The following FAF1 variants were observed in gnomAD, a reference collection of about 807,000 sequenced individuals.
The protein encoded by FAF1 is Fas associated factor 1.
A neutral mutation model predicts 92.5 loss-of-function variants in FAF1; 25 were observed. That is an observed-to-expected ratio of 0.27 (90% CI 0.20 to 0.38). FAF1 has a LOEUF of 0.38. Among genes scored for constraint, FAF1 ranks in the 10% least tolerant of loss-of-function variants. The pLI is 1.00. For synonymous variants in FAF1, 234 were observed against 273.2 expected, an observed-to-expected ratio of 0.86 and a Z score of 1.42; for missense variants, 636 against 793.3, an observed-to-expected ratio of 0.80 and a Z score of 2.38.
intron 1 of FAF1, among the ~76,000 whole-genome samples, chr1:50,865,948 T>C (rs1322047875): frequency 6.8e-6 from 1 of 147,966 alleles, no homozygotes; most frequent in Non-Finnish European, 1.5e-5. Context: ...AAAGGGGAGA[T>C]ACTACAACTG....
chr1:50,788,743 ACAAGCCCACATAAG>A (rs1303218868), intron 3 of FAF1, among the ~76,000 whole-genome samples: 1 of 152,162 alleles, frequency 6.6e-6, no homozygotes, highest in Non-Finnish European at 1.5e-5. Context: ...AAATCCACAA[ACAAGCCCACATAAG>A]CACTCTCTCT....
At chr1:50,889,277 A>ATT (rs1451886359) in intron 1 of FAF1, among the ~76,000 whole-genome samples, 46,265 of 151,842 alleles carry the variant, frequency 0.3, 7,288 homozygotes, top group Middle Eastern at 0.48. Flanking sequence ...TAGTCTTGCT[A>ATT]GCAGTCTATC....
chr1:50,620,206 C>T (rs12075910), intron 8 of FAF1, among the ~76,000 whole-genome samples: 4,751 of 152,260 alleles, frequency 0.031, 245 homozygotes, highest in African/African-American at 0.11. Context: ...CGTGTCCAGC[C>T]TAGATTTGGT....
intron 18 of FAF1, among the ~76,000 whole-genome samples, chr1:50,465,666 G>A (rs1043244286): frequency 2.0e-5 from 3 of 152,152 alleles, no homozygotes; most frequent in African/African-American, 7.2e-5. Flanking sequence ...AGAGGAATAG[G>A]GGTTGTCAGT....
intron 7 of FAF1, among the ~76,000 whole-genome samples, chr1:50,667,103 AG>A (rs1337592455): frequency 1.3e-5 from 2 of 152,242 alleles, no homozygotes; most frequent in Non-Finnish European, 2.9e-5. Flanking sequence ...CTTCACAGAA[AG>A]GGGGCAGAGT....
At chr1:50,551,233 C>T (rs1345762352) in intron 13 of FAF1, among the ~76,000 whole-genome samples, 1 of 152,002 alleles carries the variant, frequency 6.6e-6, no homozygotes, top group Non-Finnish European at 1.5e-5. Flanking sequence ...AAAACCCAGA[C>T]ATATATACAG....
chr1:50,575,266 T>C (rs1650672365), intron 12 of FAF1, among the ~76,000 whole-genome samples: 1 of 152,204 alleles, frequency 6.6e-6, no homozygotes, highest in African/African-American at 2.4e-5. Context: ...ATAATTTTAA[T>C]ATGGGCACTA....
intron 9 of FAF1, among the ~76,000 whole-genome samples, chr1:50,589,559 T>C (rs183538939): frequency 6.6e-6 from 1 of 152,340 alleles, no homozygotes; most frequent in East Asian, 1.9e-4. Flanking sequence ...AGGAGTTCTC[T>C]ATATTTTATA....
rs1415119885 is a variant in FAF1 at position 50,960,225 on chromosome 1, GCCT to G, written c.-417_-415del. On this transcript the variant is annotated 5_prime_UTR_variant, in exon 1 of 19. Transcript: ENST00000396153. ...GCGGGCGAACGCCGCGGCCGCCTCC[GCCT>G]CCTCCGCTTCCTCCCTGGCCGCCGC... The G allele has an allele frequency of 2.4e-5, 8 of 332,484 alleles. No homozygotes were observed. Among genetic ancestry groups the G allele is most frequent in the Non-Finnish European group, 3.8e-5 (7 of 182,522 alleles). 20.6% of individuals were successfully genotyped at this position (332,484 alleles called of 1,614,324 possible). A position where few individuals can be genotyped will look rare whatever the true frequency, so the allele number is the denominator to read the frequency against.
At chr1:50,789,386 CCA>C (rs1661485038) in intron 3 of FAF1, among the ~76,000 whole-genome samples, 1 of 152,140 alleles carries the variant, frequency 6.6e-6, no homozygotes, top group African/African-American at 2.4e-5. Context: ...CTCAGTATGT[CCA>C]CAGCTTAGTT....
chr1:50,711,699 T>C (rs2124435876), intron 6 of FAF1, among the ~76,000 whole-genome samples: 1 of 152,216 alleles, frequency 6.6e-6, no homozygotes, highest in South Asian at 2.1e-4. Flanking sequence ...ACTCCTGACC[T>C]CGTGATCTGC....
chr1:50,509,446 T>C (rs1480900928), intron 15 of FAF1, among the ~76,000 whole-genome samples: 3 of 152,038 alleles, frequency 2.0e-5, no homozygotes, highest in Admixed American at 6.5e-5. Context: ...ACCCTATCTC[T>C]ACAAAAAATT....
At chr1:50,568,390 C>A (rs554492478) in intron 12 of FAF1, among the ~76,000 whole-genome samples, 1 of 152,026 alleles carries the variant, frequency 6.6e-6, no homozygotes, top group Non-Finnish European at 1.5e-5. Flanking sequence ...AAGGCTCATG[C>A]TGATGAAAGG....
At chr1:50,762,374 A>G (rs1318924109) in intron 4 of FAF1, among the ~76,000 whole-genome samples, 1 of 152,128 alleles carries the variant, frequency 6.6e-6, no homozygotes, top group Non-Finnish European at 1.5e-5. Flanking sequence ...AAGAGTCTGC[A>G]TCGCCAAGTC....
At chr1:50,792,550 A>G (rs1418124274) in intron 3 of FAF1, among the ~76,000 whole-genome samples, 1 of 152,218 alleles carries the variant, frequency 6.6e-6, no homozygotes, top group African/African-American at 2.4e-5. Flanking sequence ...CATGAGGATG[A>G]GATGCCTGAA....
intron 8 of FAF1, among the ~76,000 whole-genome samples, chr1:50,610,215 C>A (rs1652625146): frequency 6.6e-6 from 1 of 152,144 alleles, no homozygotes; most frequent in Non-Finnish European, 1.5e-5. Context: ...TTACCTGTTT[C>A]ATATATGATC....
chr1:50,888,048 C>G (rs144432213), intron 1 of FAF1, among the ~76,000 whole-genome samples: 13,480 of 152,086 alleles, frequency 0.089, 621 homozygotes, highest in African/African-American at 0.099. Flanking sequence ...TCCTCTTTTA[C>G]TTCATTGAGC....
At chr1:50,680,333 T>C (rs1014126564) in intron 7 of FAF1, among the ~76,000 whole-genome samples, 2 of 152,176 alleles carry the variant, frequency 1.3e-5, no homozygotes, top group African/African-American at 4.8e-5. Flanking sequence ...TATTCTCTCA[T>C]ATTATTAAGA....
At chr1:50,859,392 C>T (rs372777926) in intron 1 of FAF1, among the ~76,000 whole-genome samples, 1 of 151,284 alleles carries the variant, frequency 6.6e-6, no homozygotes, top group Middle Eastern at 3.4e-3. Context: ...ATCCTGGAAC[C>T]GATAACTTCA....
Sources: gnomAD v4.1 joint callset for allele counts (sites outside exome capture counted in the v4.1 genomes callset) on GRCh38, gnomAD v4.1.1 for gene constraint, MANE v1.5 for transcripts, NCBI Gene and HGNC (gene_info 2026-07-23, HGNC 2026-07-21) for gene names.